NELL1: variants seen among roughly 807,000 people sequenced by gnomAD.
The protein encoded by NELL1 is protein kinase C-binding protein NELL1.
In NELL1, 76 loss-of-function variants were observed where a neutral mutation model predicts 107.4. The ratio of observed to expected loss-of-function variants is 0.71; its 90% confidence interval spans 0.59 to 0.86. The LOEUF is 0.86. Among genes scored for constraint, NELL1 ranks in the 40% least tolerant of loss-of-function variants. The pLI is 0.00. For missense variants in NELL1, 1,024 were observed against 1,005.5 expected (o/e 1.02, Z -0.25); for synonymous variants, 353 against 341.2 (o/e 1.03, Z -0.38).
At chr11:21,554,790 T>G (rs1225192983) in intron 16 of NELL1, among the ~76,000 whole-genome samples, 1 of 151,866 alleles carries the variant, frequency 6.6e-6, no homozygotes, top group Non-Finnish European at 1.5e-5. Context: ...GTCGTACAAC[T>G]AATAAATTGC....
chr11:21,460,459 G>A (rs904522007), intron 15 of NELL1, among the ~76,000 whole-genome samples: 7 of 152,102 alleles, frequency 4.6e-5, no homozygotes, highest in Admixed American at 1.3e-4. Flanking sequence ...TTCTGCCTTG[G>A]TTATTGGAGG....
chr11:21,463,763 C>T (rs1057214834), intron 15 of NELL1, among the ~76,000 whole-genome samples: 2 of 152,054 alleles, frequency 1.3e-5, no homozygotes, highest in Admixed American at 6.6e-5. Flanking sequence ...CACAGCTCTT[C>T]GGGTAAAGAA....
At chr11:20,963,889 G>T (rs1433599130) in intron 12 of NELL1, among the ~76,000 whole-genome samples, 2 of 152,142 alleles carry the variant, frequency 1.3e-5, no homozygotes, top group Non-Finnish European at 2.9e-5. Flanking sequence ...CAGTGGAAAA[G>T]GAAGCACCAA....
intron 14 of NELL1, among the ~76,000 whole-genome samples, chr11:21,234,785 G>C (rs1858158557): frequency 6.6e-6 from 1 of 152,298 alleles, no homozygotes; most frequent in East Asian, 1.9e-4. Flanking sequence ...CCAGAGGTTT[G>C]ATATAGACAG....
At chr11:21,339,480 A>G (rs541338098) in intron 14 of NELL1, among the ~76,000 whole-genome samples, 1 of 152,366 alleles carries the variant, frequency 6.6e-6, no homozygotes, top group South Asian at 2.1e-4. Flanking sequence ...TAAGTTTCTT[A>G]TGGTAGCCCA....
chr11:21,178,346 C>T (rs1438207007), intron 13 of NELL1, among the ~76,000 whole-genome samples: 1 of 151,844 alleles, frequency 6.6e-6, no homozygotes, highest in Non-Finnish European at 1.5e-5. Context: ...TGTAGAATAT[C>T]CCAGAACACT....
intron 15 of NELL1, among the ~76,000 whole-genome samples, chr11:21,521,524 T>C (rs1434239401): frequency 1.5e-5 from 1 of 66,090 alleles, no homozygotes; most frequent in African/African-American, 3.2e-5. Flanking sequence ...ATATTGGTGA[T>C]TTTTTTTGGT....
intron 14 of NELL1, among the ~76,000 whole-genome samples, chr11:21,259,051 T>G (rs1858840292): frequency 6.6e-6 from 1 of 151,822 alleles, no homozygotes; most frequent in Admixed American, 6.6e-5. Flanking sequence ...TAAGGTAAAT[T>G]TTGTCTTTGA....
intron 15 of NELL1, among the ~76,000 whole-genome samples, chr11:21,497,317 AT>A (rs975148729): frequency 2.6e-4 from 40 of 152,154 alleles, no homozygotes; most frequent in African/African-American, 9.4e-4. Flanking sequence ...TACAAAAAAT[AT>A]TTTTAAAAAA....
intron 12 of NELL1, among the ~76,000 whole-genome samples, chr11:20,970,389 T>TTCCAGGAGTCC (rs150944247): frequency 0.14 from 21,984 of 152,134 alleles, 1,969 homozygotes; most frequent in East Asian, 0.25. Flanking sequence ...TTGTGTTGGC[T>TTCCAGGAGTCC]AAAGATGATT....
intron 2 of NELL1, among the ~76,000 whole-genome samples, chr11:20,690,523 C>T (rs1024266509): frequency 1.1e-4 from 16 of 149,440 alleles, no homozygotes; most frequent in Non-Finnish European, 2.2e-4. Context: ...TTCCCAGCAC[C>T]ATTTATTAAA....
chr11:21,074,836 A>G (rs934186652), intron 12 of NELL1, among the ~76,000 whole-genome samples: 9 of 152,220 alleles, frequency 5.9e-5, no homozygotes, highest in Non-Finnish European at 1.2e-4. Flanking sequence ...ATATACTCCC[A>G]TTGGGAAACA....
At position 21,251,384 on chromosome 11, in the gene NELL1, A is replaced by G. The variant is rs576114780; in HGVS notation, c.1549+21930A>G. 7.9e-5 allele frequency among the ~76,000 whole-genome samples: 12 copies of G among 152,262 alleles called. No homozygotes were observed. In the South Asian group the frequency reaches 2.5e-3, roughly 32 times the overall value. ...TTAAAAATCATCATTGTATAGTTGC[A>G]TAGAACATCATGCAAATATGCAATT... On this transcript the variant is annotated intron_variant, in intron 14 of 19. Coordinates refer to ENST00000357134, the MANE Select transcript of NELL1 (RefSeq NM_006157.5).
At chr11:20,835,156 T>C (rs1378904582) in intron 3 of NELL1, among the ~76,000 whole-genome samples, 1 of 152,212 alleles carries the variant, frequency 6.6e-6, no homozygotes, top group Non-Finnish European at 1.5e-5. Context: ...GTCATTCTTC[T>C]ACATCTAGCT....
Position 20,775,072 on chromosome 11 carries a change from C to T in NELL1, c.185-8608C>T, listed in dbSNP as rs112831430. 6.8e-4 allele frequency among the ~76,000 whole-genome samples: 104 copies of T among 152,222 alleles called. No individual in the cohort carries two copies. In the Middle Eastern group the frequency reaches 0.01, roughly 15 times the overall value. On this transcript the variant is annotated intron_variant, in intron 2 of 19. Coordinates refer to ENST00000357134, the MANE Select transcript of NELL1 (RefSeq NM_006157.5). Reference sequence around the variant, plus strand: ...GATGTCCTTCTTGTTTCTCCCATTTCTATGATGAGCTCATATATTTTAGCA... The same window carrying T: ...GATGTCCTTCTTGTTTCTCCCATTTTTATGATGAGCTCATATATTTTAGCA...
At chr11:20,708,660 C>T (rs1590223324) in intron 2 of NELL1, among the ~76,000 whole-genome samples, 1 of 152,102 alleles carries the variant, frequency 6.6e-6, no homozygotes. Flanking sequence ...AATATTTTCT[C>T]CCACTCTTTT....
intron 14 of NELL1, among the ~76,000 whole-genome samples, chr11:21,342,806 A>G (rs1850604041): frequency 6.6e-6 from 1 of 151,960 alleles, no homozygotes; most frequent in African/African-American, 2.4e-5. Flanking sequence ...GCTACTGGTT[A>G]CCTTTCTCTT....
At chr11:21,138,552 C>G (rs1212995582) in intron 13 of NELL1, among the ~76,000 whole-genome samples, 1 of 152,124 alleles carries the variant, frequency 6.6e-6, no homozygotes, top group Non-Finnish European at 1.5e-5. Flanking sequence ...AAGTCTGCCC[C>G]CTACCTTGCT....
chr11:21,004,574 A>G (rs1034276532), intron 12 of NELL1, among the ~76,000 whole-genome samples: 1 of 152,080 alleles, frequency 6.6e-6, no homozygotes, highest in Admixed American at 6.6e-5. Context: ...TTCAGATACC[A>G]GGTATGGATT....
Sources: allele counts gnomAD v4.1 joint callset (sites outside exome capture counted in the v4.1 genomes callset), GRCh38; gene constraint gnomAD v4.1.1; transcripts MANE v1.5; gene names NCBI Gene and HGNC (gene_info 2026-07-23, HGNC 2026-07-21).